Variants in SPOCK1 observed in about 807,000 individuals in gnomAD.
The protein encoded by SPOCK1 is SPARC (osteonectin), cwcv and kazal like domains proteoglycan 1.
SPOCK1 carries 23 observed loss-of-function variants against 55.3 expected under a neutral mutation model. The ratio of observed to expected loss-of-function variants is 0.42; its 90% CI spans 0.30 to 0.59. The LOEUF is 0.59. Among genes scored for constraint, SPOCK1 ranks in the 20% least tolerant of loss-of-function variants. The probability of loss-of-function intolerance (pLI) is 0.22; values close to 1 mark genes in which losing one functional copy is unlikely to be tolerated. For synonymous variants in SPOCK1, 226 were observed against 221.0 expected (o/e 1.02, Z -0.20); for missense variants, 499 against 552.5 (o/e 0.90, Z 0.97).
chr5:137,419,082 G>C (rs1270557786), intron 2 of SPOCK1, among the ~76,000 whole-genome samples: 1 of 152,086 alleles, frequency 6.6e-6, no homozygotes, highest in East Asian at 1.9e-4. Flanking sequence ...GCTTGTTTTT[G>C]TCAAGTTTGT....
chr5:137,242,973 G>T (rs1007241506), intron 3 of SPOCK1, among the ~76,000 whole-genome samples: 1 of 150,656 alleles, frequency 6.6e-6, no homozygotes, highest in South Asian at 2.1e-4. Flanking sequence ...GACAGGGTGA[G>T]AAAATTGAGC....
chr5:137,235,331 C>T lies in SPOCK1; in HGVS notation c.232+31679G>A, dbSNP rs149119509. ...AAAAGGGTGTTTATGTTCAGATTAC[C>T]TTATGGTCATCAGGAAAAACAATGT... On this transcript the variant is annotated intron_variant, in intron 3 of 10. Coordinates refer to ENST00000394945, the MANE Select transcript of SPOCK1 (RefSeq NM_004598.4). Among the ~76,000 whole-genome samples the T allele has an allele frequency of 1.8e-3, 274 of 152,284 alleles. 1 individual carries two copies. The highest frequency in any genetic ancestry group is 0.014 in the Middle Eastern group (4 of 294).
chr5:137,423,239 C>A (rs1204346174), intron 2 of SPOCK1, among the ~76,000 whole-genome samples: 1 of 152,208 alleles, frequency 6.6e-6, no homozygotes, highest in Non-Finnish European at 1.5e-5. Flanking sequence ...GTCAGGGACC[C>A]ACTTGAGGAG....
intron 2 of SPOCK1, among the ~76,000 whole-genome samples, chr5:137,333,561 G>T (rs1409582880): frequency 6.6e-6 from 1 of 152,160 alleles, no homozygotes; most frequent in East Asian, 1.9e-4. Flanking sequence ...GCCTGAGGAT[G>T]TTTTGATAAA....
chr5:137,003,223 G>A (rs971554001), intron 6 of SPOCK1, among the ~76,000 whole-genome samples: 33 of 151,998 alleles, frequency 2.2e-4, no homozygotes, highest in Admixed American at 1.8e-3. Flanking sequence ...TGGTCAACAC[G>A]GTGAAACTGT....
chr5:137,018,933 A>C lies in SPOCK1; in HGVS notation c.590-26333T>G, dbSNP rs1286701681. On this transcript the variant is annotated intron_variant, in intron 6 of 10. Coordinates refer to ENST00000394945, the MANE Select transcript of SPOCK1 (RefSeq NM_004598.4). The stretch of plus-strand genomic sequence containing the variant: ...AGACCATTAAGAATGTAATTGAAAA[A>C]TCAACAAAGGCAACGAGCAAATGCT... Among the ~76,000 whole-genome samples, 5 of 152,222 alleles carry C rather than the reference A, an allele frequency of 3.3e-5. No homozygotes were observed. The East Asian group carries it at 9.6e-4, about 29-fold the overall frequency.
At chr5:137,328,816 T>C (rs1301292483) in intron 2 of SPOCK1, among the ~76,000 whole-genome samples, 2 of 152,202 alleles carry the variant, frequency 1.3e-5, no homozygotes, top group Admixed American at 1.3e-4. Flanking sequence ...TCACTACTTC[T>C]AAACGACATC....
chr5:137,031,128 A>G (rs1289509132), intron 6 of SPOCK1, among the ~76,000 whole-genome samples: 1 of 152,160 alleles, frequency 6.6e-6, no homozygotes, highest in Non-Finnish European at 1.5e-5. Flanking sequence ...TAACCACTCA[A>G]ATTTGCGTGG....
intron 6 of SPOCK1, among the ~76,000 whole-genome samples, chr5:137,005,714 AAAG>A (rs1449610947): frequency 6.6e-6 from 1 of 152,148 alleles, no homozygotes. Context: ...AAGAGGAAAT[AAAG>A]AAGGAATTAC....
chr5:137,427,723 C>T (rs112687057), intron 2 of SPOCK1, among the ~76,000 whole-genome samples: 24,676 of 151,934 alleles, frequency 0.16, 2,241 homozygotes, highest in Admixed American at 0.28. Context: ...TCCTGGCTAA[C>T]GTGGTGAAAC....
intron 2 of SPOCK1, among the ~76,000 whole-genome samples, chr5:137,490,538 A>G (rs781533362): frequency 3.3e-5 from 5 of 152,190 alleles, no homozygotes; most frequent in Non-Finnish European, 5.9e-5. Context: ...TGGTGCCCAT[A>G]AAGCCTGCCT....
chr5:137,481,130 C>T (rs563095996), intron 2 of SPOCK1, among the ~76,000 whole-genome samples: 2 of 152,206 alleles, frequency 1.3e-5, no homozygotes, highest in South Asian at 4.2e-4. Context: ...TCCCCCTCGC[C>T]CTCTTCCTCT....
At chr5:137,248,952 CT>C (rs1418713003) in intron 3 of SPOCK1, among the ~76,000 whole-genome samples, 2 of 152,190 alleles carry the variant, frequency 1.3e-5, no homozygotes, top group Non-Finnish European at 2.9e-5. Flanking sequence ...TTGACTTTTC[CT>C]TTAAACAGAT....
intron 3 of SPOCK1, among the ~76,000 whole-genome samples, chr5:137,230,561 T>C (rs1472797251): frequency 1.3e-5 from 2 of 152,254 alleles, no homozygotes; most frequent in Admixed American, 6.5e-5. Context: ...ATTAAACTGA[T>C]ATGTATTAAA....
In SPOCK1 at chr5:137,067,703, A is replaced by G; in HGVS notation, c.589+12T>C. On this transcript the variant is annotated intron_variant, in intron 6 of 10. Coordinates refer to ENST00000394945, the MANE Select transcript of SPOCK1 (RefSeq NM_004598.4). ...CCTGCCCACGAATTCTCTGAAGGAA[A>G]CCCTCACTCACCACTCCTTTCTGCC... The G allele has an allele frequency of 6.2e-7, 1 of 1,611,318 alleles. No homozygotes were observed. The highest frequency in any genetic ancestry group is 8.5e-7 in the Non-Finnish European group (1 of 1,177,730).
chr5:137,295,460 G>A (rs1757460786), intron 2 of SPOCK1, among the ~76,000 whole-genome samples: 1 of 152,206 alleles, frequency 6.6e-6, no homozygotes, highest in African/African-American at 2.4e-5. Context: ...AAAACTGTTG[G>A]ATCGAAGAGC....
chr5:137,192,411 G>A (rs1399065646), intron 3 of SPOCK1, among the ~76,000 whole-genome samples: 1 of 152,058 alleles, frequency 6.6e-6, no homozygotes, highest in African/African-American at 2.4e-5. Context: ...GCAGAGTCGT[G>A]TTATTTGTTA....
At chr5:136,991,570 A>C (rs1305547043) in intron 7 of SPOCK1, among the ~76,000 whole-genome samples, 1 of 152,210 alleles carries the variant, frequency 6.6e-6, no homozygotes, top group East Asian at 1.9e-4. Context: ...CAGAAATTCC[A>C]AACAAGCAGG....
chr5:137,041,795 T>C (rs1331794477), intron 6 of SPOCK1, among the ~76,000 whole-genome samples: 1 of 152,152 alleles, frequency 6.6e-6, no homozygotes, highest in African/African-American at 2.4e-5. Flanking sequence ...CCAAAACAAC[T>C]CACAATACCA....
Sources: allele counts gnomAD v4.1 joint callset (sites outside exome capture counted in the v4.1 genomes callset), GRCh38; gene constraint gnomAD v4.1.1; transcripts MANE v1.5; gene names NCBI Gene and HGNC (gene_info 2026-07-23, HGNC 2026-07-21).